Variants in PPM1G observed in about 807,000 individuals in gnomAD.
The protein encoded by PPM1G is protein phosphatase 1G.
A neutral mutation model predicts 59.4 loss-of-function variants in PPM1G; 12 were observed. The ratio of observed to expected loss-of-function variants is 0.20; its 90% CI spans 0.13 to 0.33. The LOEUF is 0.33. Ranked by LOEUF, PPM1G falls within the 10% of genes least tolerant of loss-of-function variation. PPM1G has a pLI of 1.00. For synonymous variants in PPM1G, 245 were observed against 251.9 expected (o/e 0.97, Z 0.26); for missense variants, 392 against 681.3 (o/e 0.58, Z 4.73).
intron 2 of PPM1G, chr2:27,386,881 T>C (rs543152632): frequency 9.0e-6 from 4 of 442,080 alleles, no homozygotes; most frequent in African/African-American, 8.1e-5. Context: ...AGAGGCTCTT[T>C]GGATTAAAAC....
chr2:27,383,655 G>T lies in PPM1G; in HGVS notation c.967-55C>A. On this transcript the variant is annotated intron_variant, in intron 6 of 9. Coordinates refer to ENST00000344034, the MANE Select transcript of PPM1G (RefSeq NM_177983.3). The surrounding 1 kb of genome is among the most constrained non-coding windows in gnomAD (Gnocchi z 5.0). ...GGCTTCTGAACATGCGTTCCTCACTGATGTGCTCCTGATCGTTCACCTATG... is the reference window on the plus strand; with the variant it reads ...GGCTTCTGAACATGCGTTCCTCACTTATGTGCTCCTGATCGTTCACCTATG... 1 of 1,493,556 alleles carries T rather than the reference G, an allele frequency of 6.7e-7. No individual in the cohort carries two copies. The highest frequency in any genetic ancestry group is 1.2e-5 in the South Asian group (1 of 82,482). The allele number at this position is 1,493,556 out of a possible 1,614,324, so 92.5% of individuals were successfully genotyped here. A position where few individuals can be genotyped will look rare whatever the true frequency, so the allele number is the denominator to read the frequency against.
chr2:27,405,072 A>ATTT (rs781356301), intron 1 of PPM1G, among the ~76,000 whole-genome samples: 5 of 127,992 alleles, frequency 3.9e-5, no homozygotes, highest in Non-Finnish European at 4.8e-5. Flanking sequence ...AACCTACCTC[A>ATTT]TTTTTTTTTT....
chr2:27,389,988 G>C (rs1023908067), intron 1 of PPM1G, among the ~76,000 whole-genome samples: 1 of 152,008 alleles, frequency 6.6e-6, no homozygotes, highest in Non-Finnish European at 1.5e-5. Context: ...CAAAGTTATA[G>C]GATCACATTG....
intron 1 of PPM1G, among the ~76,000 whole-genome samples, chr2:27,388,035 G>A (rs1042117492): frequency 2.0e-5 from 3 of 151,564 alleles, no homozygotes; most frequent in Non-Finnish European, 2.9e-5. Flanking sequence ...CCTGATCTCG[G>A]GATCCACCCG....
chr2:27,387,016 G>C, intron 2 of PPM1G, 73 bp downstream of exon 2: 1 of 1,177,414 alleles, frequency 8.5e-7, no homozygotes, highest in East Asian at 2.4e-5. Flanking sequence ...AATGAACAAA[G>C]GGACCTGTTC....
At chr2:27,392,989 A>G in intron 1 of PPM1G, 1 of 1,518,762 alleles carries the variant, frequency 6.6e-7, no homozygotes, top group Non-Finnish European at 9.0e-7. Flanking sequence ...GTGCAGTTCC[A>G]GTAGTGACTG....
In PPM1G at chr2:27,385,800, C is replaced by A; in HGVS notation, c.356G>T (p.Gly119Val). Residue 119 changes from glycine to valine, a missense_variant, in exon 4 of 10, where the codon GGG becomes GTG. This residue lies in a region of PPM1G where 188 missense variants were observed against 248.8 expected (regional missense o/e 0.76). Coordinates refer to ENST00000344034, the MANE Select transcript of PPM1G (RefSeq NM_177983.3). This position sits in a 1 kb window ranked among gnomAD's most constrained non-coding sequence, Gnocchi z 4.1. ...TTCATCTTCATCCTCAGTGGGTCGC[C>A]CTGCAATCTGTGCCAGCTCTTTAAT... ...EVIKELAQIA[G>V]RPTEDEDEKE... The A allele has an allele frequency of 6.2e-7, 1 of 1,614,082 alleles. No individual in the cohort carries two copies. The highest frequency in any genetic ancestry group is 8.5e-7 in the Non-Finnish European group (1 of 1,180,030).
At chr2:27,405,834 T>A (rs1663345172) in intron 1 of PPM1G, among the ~76,000 whole-genome samples, 1 of 151,680 alleles carries the variant, frequency 6.6e-6, no homozygotes, top group Admixed American at 6.6e-5. Flanking sequence ...GAGACCCCCA[T>A]CTCTACTAAA....
intron 3 of PPM1G, 139 bp downstream of exon 3, chr2:27,386,055 A>C (rs1332424880): frequency 8.1e-7 from 1 of 1,236,244 alleles, no homozygotes; most frequent in Non-Finnish European, 1.1e-6. Flanking sequence ...GCGGCCAATA[A>C]GCTCGTTTTA....
At chr2:27,393,371 G>A (rs1683966290) in intron 1 of PPM1G, 6 of 1,561,036 alleles carry the variant, frequency 3.8e-6, no homozygotes, top group East Asian at 4.5e-5. Context: ...TCGTCATGCC[G>A]GCGACTAAGG....
intron 1 of PPM1G, among the ~76,000 whole-genome samples, chr2:27,405,040 A>AT (rs113559429): frequency 1 from 145,862 of 145,862 alleles, 72,931 homozygotes; most frequent in Non-Finnish European, 1. Context: ...CTTACCTTAT[A>AT]ATTTTTCAGG....
Position 27,381,466 on chromosome 2 carries a change from G to A in PPM1G, c.*133C>T, listed in dbSNP as rs374808606. ...TGGAGGGAGAGCCCTCTTTGGAATGGGCGGAGTGAAGCCACCCAGCTCCCC... is the reference window on the plus strand; with the variant it reads ...TGGAGGGAGAGCCCTCTTTGGAATGAGCGGAGTGAAGCCACCCAGCTCCCC... On this transcript the variant is annotated 3_prime_UTR_variant, in exon 10 of 10. Coordinates refer to ENST00000344034, the MANE Select transcript of PPM1G (RefSeq NM_177983.3). The A allele has an allele frequency of 1.0e-6, 1 of 963,088 alleles. No homozygotes were observed. The highest frequency in any genetic ancestry group is 2.1e-5 in the Admixed American group (1 of 47,764). The allele number at this position is 963,088 out of a possible 1,614,324, so 59.7% of individuals were successfully genotyped here. A position where few individuals can be genotyped will look rare whatever the true frequency, so the allele number is the denominator to read the frequency against.
chr2:27,409,155 C>G, intron 1 of PPM1G, 148 bp downstream of exon 1: 1 of 1,214,352 alleles, frequency 8.2e-7, no homozygotes, highest in South Asian at 1.7e-5. Flanking sequence ...CGGCCCTGAC[C>G]CCGCGGTCTC....
intron 1 of PPM1G, among the ~76,000 whole-genome samples, chr2:27,392,294 T>TTG (rs1553313466): frequency 2.1e-5 from 3 of 140,682 alleles, no homozygotes; most frequent in African/African-American, 8.3e-5. Flanking sequence ...TTGTTTTTTT[T>TTG]TTTTTTTTTT....
chr2:27,391,407 G>A (rs1456095340), intron 1 of PPM1G, among the ~76,000 whole-genome samples: 1 of 152,152 alleles, frequency 6.6e-6, no homozygotes, highest in African/African-American at 2.4e-5. Context: ...TCTCTTTGTG[G>A]TTCTAATTTG....
At position 27,381,531 on chromosome 2, in the gene PPM1G, GAC is replaced by G. The variant is rs1251635253; in HGVS notation, c.*66_*67del. On this transcript the variant is annotated 3_prime_UTR_variant, in exon 10 of 10. Transcript: ENST00000344034. ...CCCACTGCTAAGGCTAAAGGAAAAA[GAC>G]AAAACTCAGTCTCAGGTCCGGAGGG... The G allele has an allele frequency of 6.3e-7, 1 of 1,587,630 alleles. No individual in the cohort carries two copies. The highest frequency in any genetic ancestry group is 8.6e-7 in the Non-Finnish European group (1 of 1,157,004).
intron 1 of PPM1G, chr2:27,392,874 G>A (rs1457268679): frequency 7.0e-7 from 1 of 1,422,146 alleles, no homozygotes. Flanking sequence ...CGTGCATGTT[G>A]GTCACGTGGT....
chr2:27,393,962 C>G (rs1335879612), intron 1 of PPM1G, among the ~76,000 whole-genome samples: 3 of 152,140 alleles, frequency 2.0e-5, no homozygotes, highest in African/African-American at 4.8e-5. Context: ...CGGGGTTTCA[C>G]CGTGTTAGCC....
rs1240632424 is a variant in PPM1G, at chr2:27,384,996, GGCCCTT to G, written c.496_501del (p.Lys166_Gly167del). On this transcript the variant is annotated inframe_deletion, in exon 5 of 10. Coordinates refer to ENST00000344034, the MANE Select transcript of PPM1G (RefSeq NM_177983.3). This position sits in a 1 kb window ranked among gnomAD's most constrained non-coding sequence, Gnocchi z 4.8. ...CCACCTCCAGATTTGCTGTGGGGAG[GGCCCTT>G]GTGACAGTTCTGCCCGTAGCGTGTC... 1.9e-6 allele frequency: 3 copies of G among 1,614,142 alleles called. No homozygotes were observed. Among genetic ancestry groups the G allele is most frequent in the Non-Finnish European group, 2.5e-6 (3 of 1,180,030 alleles).
Sources: gnomAD v4.1 joint callset for allele counts (sites outside exome capture counted in the v4.1 genomes callset) on GRCh38, gnomAD v4.1.1 for gene constraint, gnomAD v4.1.1 regional missense constraint, Gnocchi (gnomAD v3.1) non-coding constraint, MANE v1.5 for transcripts, NCBI Gene and HGNC (gene_info 2026-07-23, HGNC 2026-07-21) for gene names.